The following CIROZ variants were observed in gnomAD, a reference collection of about 807,000 sequenced individuals.
CIROZ encodes ciliated left-right organizer protein containing ZP-N domains.
chr1:10,976,177 A>G, the CIROZ span: 1 of 1,536,724 alleles, frequency 6.5e-7, no homozygotes, highest in South Asian at 1.2e-5. Flanking sequence ...TCTGCTGCAG[A>G]GCTTGGCTTG....
At chr1:10,979,086 G>C in the CIROZ span, among the ~76,000 whole-genome samples, 1 of 152,144 alleles carries the variant, frequency 6.6e-6, no homozygotes, top group Non-Finnish European at 1.5e-5. Flanking sequence ...CTGCTTCTCA[G>C]ATTTAAGTGA....
the CIROZ span, chr1:10,976,010 G>A: frequency 1.5e-6 from 1 of 650,460 alleles, no homozygotes; most frequent in Non-Finnish European, 2.6e-6. Flanking sequence ...GAGAATGACA[G>A]CCTGAAATCC....
chr1:10,962,855 C>T, the CIROZ span, among the ~76,000 whole-genome samples: 1 of 152,244 alleles, frequency 6.6e-6, no homozygotes, highest in African/African-American at 2.4e-5. Context: ...CGTAGTGGCC[C>T]ACGCCTATAA....
the CIROZ span, chr1:10,954,267 A>C: frequency 2.7e-6 from 3 of 1,098,078 alleles, no homozygotes; most frequent in Admixed American, 2.8e-5. Flanking sequence ...CATCTGGCTA[A>C]CACAGTGAAA....
the CIROZ span, among the ~76,000 whole-genome samples, chr1:10,967,880 A>G: frequency 6.6e-6 from 1 of 152,246 alleles, no homozygotes; most frequent in African/African-American, 2.4e-5. Flanking sequence ...AGGCTAAGGC[A>G]GGAGAATCAC....
the CIROZ span, chr1:10,958,666 A>G: frequency 0.21 from 336,738 of 1,608,026 alleles, 40,124 homozygotes; most frequent in South Asian, 0.41. Context: ...CAGTCCTAGC[A>G]GAAACTTCCA....
the CIROZ span, among the ~76,000 whole-genome samples, chr1:10,954,709 C>G: frequency 3.9e-5 from 6 of 152,180 alleles, no homozygotes; most frequent in Non-Finnish European, 7.3e-5. Context: ...GGCACAATCA[C>G]AGCTCATTAC....
the CIROZ span, among the ~76,000 whole-genome samples, chr1:10,953,746 G>A: frequency 6.6e-6 from 1 of 152,150 alleles, no homozygotes; most frequent in African/African-American, 2.4e-5. Flanking sequence ...GGTTGGTTAG[G>A]AAATGGATGC....
chr1:10,949,411 C>T, the CIROZ span: 3 of 609,810 alleles, frequency 4.9e-6, no homozygotes, highest in African/African-American at 3.7e-5. Context: ...ATGAGGGGGG[C>T]TGCCCTCAGG....
the CIROZ span, chr1:10,966,281 T>C: frequency 7.0e-7 from 1 of 1,424,258 alleles, no homozygotes; most frequent in South Asian, 1.5e-5. Context: ...AGTGTCTCCT[T>C]ACTTGATATC....
At chr1:10,961,837 G>A in the CIROZ span, among the ~76,000 whole-genome samples, 5 of 152,190 alleles carry the variant, frequency 3.3e-5, no homozygotes, top group Non-Finnish European at 4.4e-5. Context: ...TGGTGGTGGC[G>A]CATGCCTGTG....
chr1:10,980,813 TG>T, the CIROZ span, among the ~76,000 whole-genome samples: 3 of 152,192 alleles, frequency 2.0e-5, no homozygotes, highest in African/African-American at 7.2e-5. Context: ...CATCCCAGTC[TG>T]GGGGGAGACA....
the CIROZ span, chr1:10,964,224 C>T: frequency 6.2e-7 from 1 of 1,614,236 alleles, no homozygotes; most frequent in Non-Finnish European, 8.5e-7. Flanking sequence ...GCTCCAACCC[C>T]ATCACCCCTT....
At chr1:10,949,743 C>T in the CIROZ span, 1 of 1,587,872 alleles carries the variant, frequency 6.3e-7, no homozygotes, top group Non-Finnish European at 8.6e-7. Flanking sequence ...GGAGGGGTCT[C>T]TGGTCCTGGG....
chr1:10,976,294 G>A, the CIROZ span: 35 of 1,297,520 alleles, frequency 2.7e-5, 1 homozygote, highest in South Asian at 2.2e-4. Flanking sequence ...GACATGCACC[G>A]CCCAGCTGCT....
At chr1:10,965,490 G>A in the CIROZ span, among the ~76,000 whole-genome samples, 88 of 152,276 alleles carry the variant, frequency 5.8e-4, no homozygotes, top group African/African-American at 2.1e-3. Flanking sequence ...TTGGGACACC[G>A]AGGCGGGAGG....
the CIROZ span, among the ~76,000 whole-genome samples, chr1:10,960,158 C>T: frequency 1.3e-4 from 20 of 152,204 alleles, no homozygotes; most frequent in African/African-American, 3.1e-4. The surrounding 1 kb of genome is among the most constrained non-coding windows in gnomAD (Gnocchi z 4.6). Flanking sequence ...GAGGCTGAGG[C>T]GGGTGGATCA....
chr1:10,947,078 C>A, the CIROZ span, among the ~76,000 whole-genome samples: 1 of 152,226 alleles, frequency 6.6e-6, no homozygotes, highest in Non-Finnish European at 1.5e-5. Flanking sequence ...TCCTTTCCCA[C>A]CCAACTCTCA....
chr1:10,959,650 A>T, the CIROZ span, among the ~76,000 whole-genome samples: 2 of 152,164 alleles, frequency 1.3e-5, no homozygotes, highest in Non-Finnish European at 2.9e-5. The surrounding 1 kb of genome is among the most constrained non-coding windows in gnomAD (Gnocchi z 4.3). Context: ...GGACTGACTC[A>T]TCTTGACAGC....
Sources: allele counts gnomAD v4.1 joint callset (sites outside exome capture counted in the v4.1 genomes callset), GRCh38; gene constraint gnomAD v4.1.1; non-coding constraint Gnocchi (gnomAD v3.1); transcripts MANE v1.5; gene names NCBI Gene and HGNC (gene_info 2026-07-23, HGNC 2026-07-21).